The following ZNF420 variants were observed in gnomAD, a reference collection of about 807,000 sequenced individuals.
ZNF420 encodes ATM and p53-associated KZNF protein.
Under a neutral mutation model 44.7 loss-of-function variants are expected in ZNF420, and 31 were observed. The ratio of observed to expected loss-of-function variants is 0.69; its 90% CI spans 0.52 to 0.94. The LOEUF is 0.94. ZNF420 is among the 40% of genes least tolerant of loss of function. The probability of loss-of-function intolerance (pLI) is 0.00; values close to 1 mark genes in which losing one functional copy is unlikely to be tolerated. For missense variants in ZNF420, 681 were observed against 827.9 expected (o/e 0.82, Z 2.18); for synonymous variants, 245 against 267.4 (o/e 0.92, Z 0.82).
At chr19:37,069,052 C>A (rs1009247089) in intron 1 of ZNF420, among the ~76,000 whole-genome samples, 7 of 152,102 alleles carry the variant, frequency 4.6e-5, no homozygotes, top group Admixed American at 1.3e-4. Context: ...GAGATACAAT[C>A]AGTAAGATTA....
chr19:37,067,306 T>TA (rs1392358903), intron 1 of ZNF420, among the ~76,000 whole-genome samples: 1 of 152,200 alleles, frequency 6.6e-6, no homozygotes, highest in African/African-American at 2.4e-5. Flanking sequence ...ACATTTTACC[T>TA]AAAAAGCTGT....
chr19:37,013,985 G>C (rs1193995581), intron 1 of ZNF420, among the ~76,000 whole-genome samples: 1 of 152,128 alleles, frequency 6.6e-6, no homozygotes, highest in East Asian at 1.9e-4. Flanking sequence ...CGCTCAGGGG[G>C]CTATGGGGAC....
At chr19:37,090,036 C>G (rs1227090829) in intron 3 of ZNF420, among the ~76,000 whole-genome samples, 1 of 152,010 alleles carries the variant, frequency 6.6e-6, no homozygotes, top group Admixed American at 6.6e-5. Context: ...AAAAATTTTA[C>G]CATTTTGTTT....
At chr19:37,026,039 G>A (rs1322537617) in intron 1 of ZNF420, among the ~76,000 whole-genome samples, 1 of 152,124 alleles carries the variant, frequency 6.6e-6, no homozygotes, top group African/African-American at 2.4e-5. Context: ...ATAAGGCCGG[G>A]TGTAGTGGCT....
At chr19:37,122,086 C>T (rs958416518) in intron 4 of ZNF420, among the ~76,000 whole-genome samples, 2 of 152,136 alleles carry the variant, frequency 1.3e-5, no homozygotes, top group African/African-American at 4.8e-5. Flanking sequence ...CTAGAAATAC[C>T]ATTTGACCCA....
intron 4 of ZNF420, chr19:37,114,966 T>C (rs577938293): frequency 6.7e-6 from 1 of 149,148 alleles, no homozygotes; most frequent in Non-Finnish European, 1.5e-5. Flanking sequence ...AGTGATTAGA[T>C]TTTTTTTGTA....
chr19:37,112,364 GGAA>G (rs1183617354), intron 4 of ZNF420, among the ~76,000 whole-genome samples: 1 of 152,020 alleles, frequency 6.6e-6, no homozygotes, highest in East Asian at 1.9e-4. Context: ...CAGATTAACG[GGAA>G]TTGAAGTAAT....
At chr19:37,079,827 T>C (rs1464308164) in intron 1 of ZNF420, among the ~76,000 whole-genome samples, 1 of 151,818 alleles carries the variant, frequency 6.6e-6, no homozygotes, top group African/African-American at 2.4e-5. Flanking sequence ...CACCATGACC[T>C]CTACTAAAAA....
chr19:37,040,642 G>T (rs1056824253), intron 1 of ZNF420, among the ~76,000 whole-genome samples: 5 of 152,106 alleles, frequency 3.3e-5, no homozygotes, highest in African/African-American at 1.2e-4. Context: ...GGACTCTTGG[G>T]TCTCCTTCAG....
intron 4 of ZNF420, among the ~76,000 whole-genome samples, chr19:37,124,258 TTC>T (rs1283821928): frequency 1.3e-5 from 2 of 152,218 alleles, no homozygotes; most frequent in African/African-American, 4.8e-5. Flanking sequence ...ATCAATTTGT[TTC>T]TGTTATTGTT....
intron 4 of ZNF420, among the ~76,000 whole-genome samples, chr19:37,097,872 A>G (rs894121413): frequency 2.6e-5 from 4 of 152,160 alleles, no homozygotes; most frequent in Non-Finnish European, 4.4e-5. Flanking sequence ...TCATTTTTCA[A>G]TGCTGTTATA....
At chr19:37,012,373 A>T (rs1355267938) in intron 1 of ZNF420, among the ~76,000 whole-genome samples, 1 of 152,186 alleles carries the variant, frequency 6.6e-6, no homozygotes, top group South Asian at 2.1e-4. Flanking sequence ...AGTGATTCCC[A>T]TGGTTGCCTA....
Position 37,014,650 on chromosome 19 carries a change from C to A in ZNF420, c.-125+6568C>A, listed in dbSNP as rs183439610. On this transcript the variant is annotated intron_variant, in intron 1 of 4. Coordinates refer to the ZNF420 transcript ENST00000587029. ...GCCTGACAGCCCTGACATTGCAGCG[C>A]GCGCGAGCCGACCACGACAATGCGC... is the stretch of plus-strand genomic sequence containing the variant. Among the ~76,000 whole-genome samples the A allele has an allele frequency of 5.9e-5, 9 of 152,328 alleles. No homozygotes were observed. In the East Asian group the frequency reaches 1.7e-3, roughly 30 times the overall value.
At chr19:37,083,381 C>G (rs1292563083) in intron 2 of ZNF420, among the ~76,000 whole-genome samples, 1 of 152,086 alleles carries the variant, frequency 6.6e-6, no homozygotes, top group Non-Finnish European at 1.5e-5. Context: ...GGGAGCCATC[C>G]TTTCTCAATG....
At chr19:37,065,498 T>C (rs1967954296) in intron 1 of ZNF420, among the ~76,000 whole-genome samples, 1 of 152,240 alleles carries the variant, frequency 6.6e-6, no homozygotes, top group Admixed American at 6.5e-5. Context: ...AAGGGGGCCG[T>C]GAGCCAAGGA....
chr19:37,096,316 A>G (rs563301318), intron 4 of ZNF420, among the ~76,000 whole-genome samples: 50 of 151,810 alleles, frequency 3.3e-4, no homozygotes, highest in Non-Finnish European at 1.5e-5. Context: ...TACAATCCCA[A>G]TTTCTGGGAA....
chr19:37,065,428 A>C (rs1166186944), intron 1 of ZNF420, among the ~76,000 whole-genome samples: 3 of 152,194 alleles, frequency 2.0e-5, no homozygotes, highest in African/African-American at 7.2e-5. Flanking sequence ...TCCCAGCTGG[A>C]TCAGAGAGAT....
intron 1 of ZNF420, among the ~76,000 whole-genome samples, chr19:37,063,772 C>T (rs1172060832): frequency 5.9e-5 from 9 of 152,154 alleles, no homozygotes; most frequent in Admixed American, 5.9e-4. Context: ...TACATAACCA[C>T]AATCCAATTA....
intron 1 of ZNF420, among the ~76,000 whole-genome samples, chr19:37,070,147 A>G (rs1284282027): frequency 2.0e-5 from 3 of 152,146 alleles, no homozygotes; most frequent in Non-Finnish European, 4.4e-5. Flanking sequence ...CCATACACAT[A>G]TAATAATCCA....
Sources: gnomAD v4.1 joint callset for allele counts (sites outside exome capture counted in the v4.1 genomes callset) on GRCh38, gnomAD v4.1.1 for gene constraint, MANE v1.5 for transcripts, NCBI Gene and HGNC (gene_info 2026-07-23, HGNC 2026-07-21) for gene names.